Variants in ADGRB3 observed in about 807,000 individuals in gnomAD.
ADGRB3 encodes the protein adhesion G protein-coupled receptor B3.
A neutral mutation model predicts 193.4 loss-of-function variants in ADGRB3; 37 were observed. The ratio of observed to expected loss-of-function variants is 0.19; its 90% CI spans 0.15 to 0.25. The LOEUF (loss-of-function observed/expected upper bound fraction) is 0.25. Among genes scored for constraint, ADGRB3 ranks in the 10% least tolerant of loss-of-function variants. The probability of loss-of-function intolerance (pLI) is 1.00; values close to 1 mark genes in which losing one functional copy is unlikely to be tolerated. For synonymous variants in ADGRB3, 690 were observed against 644.2 expected (o/e 1.07, Z -1.08); for missense variants, 1,637 against 1,852.9 (o/e 0.88, Z 2.14).
intron 19 of ADGRB3, among the ~76,000 whole-genome samples, chr6:69,237,224 A>G (rs747560197): frequency 6.6e-6 from 1 of 152,022 alleles, no homozygotes; most frequent in Admixed American, 6.6e-5. Flanking sequence ...GCTAATAAGC[A>G]TGTTAGGTTC....
At position 68,904,226 on chromosome 6, in the gene ADGRB3, T is replaced by C. The variant is rs140379638; in HGVS notation, c.758-26333T>C. Reference sequence around the variant, plus strand: ...CAGCAGGCTACTGTACTGTAGGCAATTGTAACACAGTGGCAAGTATTTGTG... The same window carrying C: ...CAGCAGGCTACTGTACTGTAGGCAACTGTAACACAGTGGCAAGTATTTGTG... On this transcript the variant is annotated intron_variant, in intron 3 of 31. Transcript: ENST00000370598. Among the ~76,000 whole-genome samples the C allele has an allele frequency of 4.7e-3, 708 of 152,156 alleles. 1 individual carries two copies. The highest frequency in any genetic ancestry group is 0.024 in the Middle Eastern group (7 of 294).
chr6:69,189,996 C>G (rs1181417667), intron 17 of ADGRB3, among the ~76,000 whole-genome samples: 1 of 152,058 alleles, frequency 6.6e-6, no homozygotes, highest in African/African-American at 2.4e-5. Flanking sequence ...TATAGGGATG[C>G]TGGTGGAAAC....
intron 17 of ADGRB3, among the ~76,000 whole-genome samples, chr6:69,178,846 G>C (rs566035877): frequency 6.6e-6 from 1 of 152,272 alleles, no homozygotes; most frequent in East Asian, 1.9e-4. Context: ...CTTTGTAAGT[G>C]ATCTGACCTT....
At chr6:68,644,303 T>A (rs1215700719) in intron 3 of ADGRB3, among the ~76,000 whole-genome samples, 1 of 152,160 alleles carries the variant, frequency 6.6e-6, no homozygotes, top group African/African-American at 2.4e-5. Flanking sequence ...ATTTTAAAAG[T>A]TTTTAAAATA....
At position 69,378,583 on chromosome 6, in the gene ADGRB3, A is replaced by G. The variant is rs544989433; in HGVS notation, c.4276-4248A>G. Among the ~76,000 whole-genome samples, 23 of 152,176 alleles carry G rather than the reference A, an allele frequency of 1.5e-4. No homozygotes were observed. In the South Asian group the frequency reaches 4.6e-3, roughly 30 times the overall value. On this transcript the variant is annotated intron_variant, in intron 30 of 31. Transcript: ENST00000370598. ...AAGTGGCTCTTATCTGTGTGGCCCA[A>G]TGATAAGTGTTTTATATCCTTTTTT...
intron 20 of ADGRB3, among the ~76,000 whole-genome samples, chr6:69,291,098 T>G (rs148465156): frequency 6.6e-6 from 1 of 152,312 alleles, no homozygotes; most frequent in African/African-American, 2.4e-5. Context: ...TTTGTCATCC[T>G]TTTCCTAATG....
intron 11 of ADGRB3, 38 bp downstream of exon 11, chr6:68,994,000 A>C: frequency 6.3e-7 from 1 of 1,592,724 alleles, no homozygotes; most frequent in Non-Finnish European, 8.6e-7. Flanking sequence ...GGGCTAGTGA[A>C]GATGCAATCA....
chr6:69,126,765 C>T (rs751129567), intron 17 of ADGRB3, among the ~76,000 whole-genome samples: 7 of 152,104 alleles, frequency 4.6e-5, no homozygotes, highest in Non-Finnish European at 8.8e-5. Flanking sequence ...AAAGTTGACA[C>T]CTAAAATTAA....
At chr6:68,774,787 A>G (rs1230087770) in intron 3 of ADGRB3, among the ~76,000 whole-genome samples, 1 of 152,112 alleles carries the variant, frequency 6.6e-6, no homozygotes, top group Non-Finnish European at 1.5e-5. Context: ...ACTAATTTTC[A>G]TGTGAATGGA....
chr6:69,112,794 A>G (rs2150326222), intron 17 of ADGRB3, among the ~76,000 whole-genome samples: 1 of 151,944 alleles, frequency 6.6e-6, no homozygotes, highest in Admixed American at 6.6e-5. Context: ...GTCTTGCATC[A>G]TTGCCCAGGC....
At chr6:69,069,347 A>G (rs1772003487) in intron 16 of ADGRB3, among the ~76,000 whole-genome samples, 1 of 151,848 alleles carries the variant, frequency 6.6e-6, no homozygotes, top group African/African-American at 2.4e-5. Flanking sequence ...TCACTGATCA[A>G]CTATTAGCGG....
intron 17 of ADGRB3, among the ~76,000 whole-genome samples, chr6:69,176,903 T>C (rs1775441454): frequency 6.6e-6 from 1 of 152,248 alleles, no homozygotes; most frequent in Non-Finnish European, 1.5e-5. Flanking sequence ...CTAGATTTTC[T>C]AGTTTGTCTG....
intron 13 of ADGRB3, among the ~76,000 whole-genome samples, chr6:69,029,851 C>A (rs960901472): frequency 4.0e-5 from 6 of 151,806 alleles, no homozygotes; most frequent in African/African-American, 7.3e-5. Context: ...AGAACTTAAA[C>A]AAATTTACAA....
At chr6:69,108,669 G>T (rs773766345) in intron 17 of ADGRB3, among the ~76,000 whole-genome samples, 2 of 152,062 alleles carry the variant, frequency 1.3e-5, no homozygotes, top group African/African-American at 2.4e-5. Context: ...GGGAATTCAA[G>T]AAGACATTTT....
At position 69,327,896 on chromosome 6, in the gene ADGRB3, C is replaced by T; in HGVS notation, c.3035+7C>T. ...GATATGGCACTGATCACTAGTAAGTCCATCCACAGAGATAAATCATGTTTA... is the reference window on the plus strand; with the variant it reads ...GATATGGCACTGATCACTAGTAAGTTCATCCACAGAGATAAATCATGTTTA... On this transcript the variant is annotated splice_region_variant and intron_variant, in intron 22 of 31. Coordinates refer to ENST00000370598, the MANE Select transcript of ADGRB3 (RefSeq NM_001704.3). 1.3e-6 allele frequency: 2 copies of T among 1,593,746 alleles called. No homozygotes were observed. Among genetic ancestry groups the T allele is most frequent in the Non-Finnish European group, 1.7e-6 (2 of 1,164,628 alleles).
Position 69,010,850 on chromosome 6 carries a change from T to C in ADGRB3, c.1930-3188T>C, listed in dbSNP as rs116032385. Among the ~76,000 whole-genome samples the C allele has an allele frequency of 8.2e-3, 1,232 of 151,042 alleles. 15 individuals are homozygous for C. Among genetic ancestry groups the C allele is most frequent in the African/African-American group, 0.028 (1,176 of 41,370 alleles). On this transcript the variant is annotated intron_variant, in intron 11 of 31. Transcript: ENST00000370598. ...AAACTTACTGTAAGGTGTTGACCTT[T>C]TTATTTTAGGGATTGACATAAGTGA...
intron 8 of ADGRB3, among the ~76,000 whole-genome samples, chr6:68,971,450 A>G (rs1056099175): frequency 2.0e-5 from 3 of 152,164 alleles, no homozygotes; most frequent in African/African-American, 4.8e-5. Context: ...TCTTGCCAAT[A>G]TCGTATTTTC....
intron 3 of ADGRB3, among the ~76,000 whole-genome samples, chr6:68,887,569 A>G (rs1459924536): frequency 6.6e-6 from 1 of 152,116 alleles, no homozygotes; most frequent in African/African-American, 2.4e-5. Context: ...TATAATGGAA[A>G]AAAATTTCTG....
intron 17 of ADGRB3, among the ~76,000 whole-genome samples, chr6:69,142,076 G>T (rs1412965847): frequency 6.6e-6 from 1 of 152,102 alleles, no homozygotes; most frequent in Non-Finnish European, 1.5e-5. Context: ...GGGGGAAAAT[G>T]GAATTGTCTA....
Sources: allele counts gnomAD v4.1 joint callset (sites outside exome capture counted in the v4.1 genomes callset), GRCh38; gene constraint gnomAD v4.1.1; transcripts MANE v1.5; gene names NCBI Gene and HGNC (gene_info 2026-07-23, HGNC 2026-07-21).